GABRG3: variants seen among roughly 807,000 people sequenced by gnomAD.
GABRG3 encodes the protein gamma-aminobutyric acid type A receptor subunit gamma3.
GABRG3 carries 25 observed loss-of-function variants against 48.8 expected under a neutral mutation model. The ratio of observed to expected loss-of-function variants is 0.51; its 90% CI spans 0.37 to 0.72. GABRG3 has a LOEUF of 0.72. Ranked by LOEUF, GABRG3 falls within the 30% of genes least tolerant of loss-of-function variation. The pLI, the probability that GABRG3 is intolerant of heterozygous loss-of-function variation, is 0.00. For missense variants in GABRG3, 394 were observed against 577.9 expected, an observed-to-expected ratio of 0.68 and a Z score of 3.26; for synonymous variants, 227 against 217.6, an observed-to-expected ratio of 1.04 and a Z score of -0.38.
chr15:27,158,338 G>A (rs1346145354), intron 3 of GABRG3: 7 of 152,266 alleles, frequency 4.6e-5, no homozygotes, highest in African/African-American at 1.2e-4. Flanking sequence ...GGGGGTGGAT[G>A]TGTCAAGTCT....
chr15:27,289,700 G>T lies in GABRG3; in HGVS notation c.271-37109G>T, dbSNP rs562552231. 5.3e-4 allele frequency among the ~76,000 whole-genome samples: 80 copies of T among 152,270 alleles called. 1 individual carries two copies. The highest frequency in any genetic ancestry group is 6.8e-3 in the Middle Eastern group (2 of 294). On this transcript the variant is annotated intron_variant, in intron 3 of 9. Coordinates refer to ENST00000615808, the MANE Select transcript of GABRG3 (RefSeq NM_033223.5). ...ATGAATGGAAGATGGTGGGATCTGG[G>T]TTTCCCACAGTTGGAATGAGAGTTT... is the stretch of plus-strand genomic sequence containing the variant.
intron 3 of GABRG3, among the ~76,000 whole-genome samples, chr15:27,224,552 C>T (rs973510444): frequency 1.1e-4 from 16 of 152,214 alleles, no homozygotes; most frequent in Non-Finnish European, 4.4e-5. Context: ...TCATGCAAGG[C>T]ATCCTCTCTG....
At chr15:27,138,701 A>G (rs891267350) in intron 3 of GABRG3, among the ~76,000 whole-genome samples, 2 of 152,046 alleles carry the variant, frequency 1.3e-5, no homozygotes, top group African/African-American at 4.8e-5. Context: ...GTTATGTTCC[A>G]TTGTAGGGTG....
intron 2 of GABRG3, among the ~76,000 whole-genome samples, chr15:26,996,853 C>T (rs1008490743): frequency 3.3e-5 from 5 of 151,938 alleles, no homozygotes; most frequent in African/African-American, 9.7e-5. Flanking sequence ...GGGGTTTCAC[C>T]GTGTTAGCCA....
intron 3 of GABRG3, among the ~76,000 whole-genome samples, chr15:27,302,449 A>C (rs1410365493): frequency 6.6e-6 from 1 of 152,108 alleles, no homozygotes; most frequent in African/African-American, 2.4e-5. Context: ...ACGAGTTCTA[A>C]ATACATATGC....
chr15:27,246,785 T>C lies in GABRG3; in HGVS notation c.271-80024T>C, dbSNP rs138525806. Among the ~76,000 whole-genome samples the C allele has an allele frequency of 3.1e-3, 476 of 152,304 alleles. 2 individuals carry two copies. Among genetic ancestry groups the C allele is most frequent in the African/African-American group, 0.011 (452 of 41,578 alleles). ...AGCAGTAACTTGCGAGGACCTGCCA[T>C]GGAAGAAAATTTCTCCTGTTTGTAT... On this transcript the variant is annotated intron_variant, in intron 3 of 9. Transcript: ENST00000615808.
chr15:27,079,296 CA>C (rs200240229), intron 3 of GABRG3, among the ~76,000 whole-genome samples: 2 of 150,878 alleles, frequency 1.3e-5, no homozygotes, highest in African/African-American at 2.4e-5. Context: ...AAGATAGTGC[CA>C]AAAAAAAGGC....
intron 5 of GABRG3, among the ~76,000 whole-genome samples, chr15:27,398,280 A>G (rs973547356): frequency 2.6e-5 from 4 of 152,218 alleles, no homozygotes; most frequent in African/African-American, 9.6e-5. Context: ...ACATATTTAA[A>G]GATGATATAT....
At chr15:27,417,756 G>A (rs535070426) in intron 5 of GABRG3, among the ~76,000 whole-genome samples, 5 of 152,266 alleles carry the variant, frequency 3.3e-5, no homozygotes, top group African/African-American at 9.6e-5. Flanking sequence ...CTTCTCGTGC[G>A]AGGACTGGGC....
chr15:26,989,980 A>G (rs912874217), intron 2 of GABRG3, among the ~76,000 whole-genome samples: 5 of 152,208 alleles, frequency 3.3e-5, no homozygotes, highest in African/African-American at 7.2e-5. Context: ...GCTGAATAGT[A>G]TTACATTATG....
chr15:27,106,880 A>G (rs1246884797), intron 3 of GABRG3, among the ~76,000 whole-genome samples: 1 of 152,108 alleles, frequency 6.6e-6, no homozygotes, highest in East Asian at 1.9e-4. Flanking sequence ...GGTTCAATAA[A>G]CAATCTAGCC....
intron 2 of GABRG3, among the ~76,000 whole-genome samples, chr15:27,024,762 C>T (rs1314176189): frequency 6.6e-6 from 1 of 152,156 alleles, no homozygotes; most frequent in African/African-American, 2.4e-5. Flanking sequence ...CACAGTGGCT[C>T]ATGCCTGTAT....
At chr15:27,175,944 C>T (rs1194440397) in intron 3 of GABRG3, among the ~76,000 whole-genome samples, 1 of 150,808 alleles carries the variant, frequency 6.6e-6, no homozygotes, top group East Asian at 2.0e-4. Flanking sequence ...CCAGAAAAGG[C>T]TTAGAGAGTC....
chr15:27,518,390 T>G (rs116642280), intron 6 of GABRG3, among the ~76,000 whole-genome samples: 10,448 of 119,414 alleles, frequency 0.087, 1,390 homozygotes, highest in African/African-American at 0.31. Context: ...AAATGGGACA[T>G]CAGTGATAGT....
At chr15:27,088,082 T>A (rs1016228416) in intron 3 of GABRG3, among the ~76,000 whole-genome samples, 4 of 149,612 alleles carry the variant, frequency 2.7e-5, no homozygotes, top group Non-Finnish European at 5.9e-5. Context: ...AGTGTGTGTG[T>A]GAGTGTGTGT....
chr15:27,322,636 A>G (rs1893468546), intron 3 of GABRG3, among the ~76,000 whole-genome samples: 1 of 152,206 alleles, frequency 6.6e-6, no homozygotes, highest in Non-Finnish European at 1.5e-5. Flanking sequence ...CCAATCCGAC[A>G]CTTGCATTGT....
At chr15:27,055,496 C>T (rs1218145143) in intron 3 of GABRG3, among the ~76,000 whole-genome samples, 3 of 152,148 alleles carry the variant, frequency 2.0e-5, no homozygotes, top group Non-Finnish European at 2.9e-5. Context: ...TGAGCACTGA[C>T]CTAATGCGAC....
chr15:27,481,164 T>G (rs1890093288), intron 6 of GABRG3: 1 of 1,027,142 alleles, frequency 9.7e-7, no homozygotes, highest in African/African-American at 1.7e-5. Context: ...GAAGCTGGTG[T>G]GATATGTCCT....
At chr15:27,101,161 A>G (rs1284365762) in intron 3 of GABRG3, among the ~76,000 whole-genome samples, 1 of 152,258 alleles carries the variant, frequency 6.6e-6, no homozygotes, top group Non-Finnish European at 1.5e-5. Flanking sequence ...GTATATAATA[A>G]CAAAAATCAT....
Sources: allele counts gnomAD v4.1 joint callset (sites outside exome capture counted in the v4.1 genomes callset), GRCh38; gene constraint gnomAD v4.1.1; transcripts MANE v1.5; gene names NCBI Gene and HGNC (gene_info 2026-07-23, HGNC 2026-07-21).